Variants in POLE observed in about 807,000 individuals in gnomAD.
POLE encodes DNA polymerase epsilon catalytic subunit A.
In POLE, 188 loss-of-function variants were observed where a neutral mutation model predicts 279.2. The ratio of observed to expected loss-of-function variants is 0.67; its 90% CI spans 0.60 to 0.76. The LOEUF is 0.76. Ranked by LOEUF, POLE falls within the 30% of genes least tolerant of loss-of-function variation. The probability of loss-of-function intolerance (pLI) is 0.00; values close to 1 mark genes in which losing one functional copy is unlikely to be tolerated. For synonymous variants in POLE, 1,214 were observed against 1,172.5 expected (o/e 1.04, Z -0.72); for missense variants, 2,703 against 3,016.7 (o/e 0.90, Z 2.44).
chr12:132,639,280 G>A lies in POLE; in HGVS notation c.5397C>T (p.Val1799=), dbSNP rs770069897. 1.9e-5 allele frequency: 31 copies of A among 1,613,878 alleles called. No individual in the cohort carries two copies. The highest frequency in any genetic ancestry group is 1.6e-4 in the Middle Eastern group (1 of 6,082). The change falls in exon 40 of 49, where the codon GTC becomes GTT. Residue 1799 remains valine (V), a synonymous_variant. Coordinates refer to ENST00000320574, the MANE Select transcript of POLE (RefSeq NM_006231.4). The surrounding 1 kb of genome is among the most constrained non-coding windows in gnomAD (Gnocchi z 4.7). Reference sequence around the variant, plus strand: ...GGGTGATCTCCTTCACCCAGCCCACGACCATGCTCTTCAGGATCCTGAAAG... The same window carrying A: ...GGGTGATCTCCTTCACCCAGCCCACAACCATGCTCTTCAGGATCCTGAAAG... The part of the protein sequence containing the change: ...SNTFRILKSM[V]VGWVKEITQY...
At position 132,672,153 on chromosome 12, in the gene POLE, G is replaced by A. The variant is rs890383218; in HGVS notation, c.1794+62C>T. On this transcript the variant is annotated intron_variant, in intron 16 of 48. Coordinates refer to ENST00000320574, the MANE Select transcript of POLE (RefSeq NM_006231.4). ...GTGCACAATAAACGTGCTGCTGAAA[G>A]ACGTGGTCTGTGAAGAAGGCGCCAA... 3 of 1,127,140 alleles carry A rather than the reference G, an allele frequency of 2.7e-6. No individual in the cohort carries two copies. The African/African-American group carries it at 4.6e-5, about 17-fold the overall frequency. 69.8% of individuals were successfully genotyped at this position (1,127,140 alleles called of 1,614,324 possible). A position where few individuals can be genotyped will look rare whatever the true frequency, so the allele number is the denominator to read the frequency against.
At chr12:132,683,419 A>G (rs2043208129) in intron 1 of POLE, among the ~76,000 whole-genome samples, 1 of 152,224 alleles carries the variant, frequency 6.6e-6, no homozygotes, top group Admixed American at 6.5e-5. Flanking sequence ...CACAATAAAT[A>G]TAACCAACCA....
In POLE at chr12:132,653,934, C is replaced by T. The variant is rs571085041; in HGVS notation, c.3582+3202G>A. Among the ~76,000 whole-genome samples the T allele has an allele frequency of 5.3e-5, 8 of 152,330 alleles. No individual in the cohort carries two copies. In the East Asian group the frequency reaches 1.5e-3, roughly 29 times the overall value. ...TATTGGAGATGATCTTACGAGCCTT[C>T]TCCTTTAATGATGAATTAGTGGATT... On this transcript the variant is annotated intron_variant, in intron 29 of 48. Transcript: ENST00000320574.
chr12:132,661,304 T>C lies in POLE; in HGVS notation c.2865-140A>G. The C allele has an allele frequency of 2.1e-6, 2 of 964,194 alleles. No homozygotes were observed. Among genetic ancestry groups the C allele is most frequent in the Non-Finnish European group, 3.1e-6 (2 of 647,784 alleles). The allele number at this position is 964,194 out of a possible 1,614,324, so 59.7% of individuals were successfully genotyped here. A position where few individuals can be genotyped will look rare whatever the true frequency, so the allele number is the denominator to read the frequency against. On this transcript the variant is annotated intron_variant, in intron 24 of 48. Coordinates refer to ENST00000320574, the MANE Select transcript of POLE (RefSeq NM_006231.4). This position sits in a 1 kb window ranked among gnomAD's most constrained non-coding sequence, Gnocchi z 4.1. ...ACGAGGCAGCAAACGTCTCTCTCCC[T>C]TAGGCCACTGCTTCTCTAAAAGGAA...
Position 132,664,669 on chromosome 12 carries a change from T to C in POLE, c.2469-207A>G, listed in dbSNP as rs575891392. Among the ~76,000 whole-genome samples the C allele has an allele frequency of 9.2e-5, 14 of 152,238 alleles. No individual in the cohort carries two copies. The East Asian group carries it at 1.5e-3, about 17-fold the overall frequency. On this transcript the variant is annotated intron_variant, in intron 21 of 48. Transcript: ENST00000320574. This position sits in a 1 kb window ranked among gnomAD's most constrained non-coding sequence, Gnocchi z 5.3. The stretch of plus-strand genomic sequence containing the variant: ...TCCCCACCTTGGTGCCCAGGAAGGA[T>C]CTGGAAGGGTGCAGTATGTGCCACT...
chr12:132,628,369 G>A (rs1238586951), intron 45 of POLE, among the ~76,000 whole-genome samples: 2 of 151,776 alleles, frequency 1.3e-5, no homozygotes, highest in Non-Finnish European at 2.9e-5. Context: ...TGGGCTGGGC[G>A]TGGTGGCTTG....
intron 41 of POLE, 116 bp from the exon 42 acceptor site, chr12:132,636,140 G>A: frequency 8.9e-7 from 1 of 1,129,516 alleles, no homozygotes. Context: ...GAATTTGAAA[G>A]TTCATTCAGA....
rs1245794040 is a variant in POLE at position 132,624,705 on chromosome 12, C to A, written c.6853G>T (p.Gly2285Cys). Residue 2285 changes from glycine (G) to cysteine (C), a missense_variant, in exon 49 of 49, where the codon GGC (glycine) becomes TGC (cysteine). This residue lies in a region of POLE where 1,551 missense variants were observed against 1,686.1 expected (regional missense o/e 0.92). Transcript: ENST00000320574. ...EWLLQKNPQLGH is the reference protein window; with the variant it reads ...EWLLQKNPQLCH ...CCGGGGCCCGGGGCTGGCTAATGGC[C>A]CAGCTGTGGGTTCTTCTGCAGCAGC... 8.7e-6 allele frequency: 14 copies of A among 1,607,024 alleles called. No individual in the cohort carries two copies. Among genetic ancestry groups the A allele is most frequent in the Non-Finnish European group, 1.2e-5 (14 of 1,173,960 alleles).
At chr12:132,637,991 T>G (rs1316265685) in intron 41 of POLE, 23 bp downstream of exon 41, 3 of 1,612,890 alleles carry the variant, frequency 1.9e-6, no homozygotes, top group Non-Finnish European at 1.7e-6. Flanking sequence ...CAGTGCTGCG[T>G]CACCAGGACC....
In POLE at chr12:132,664,942, T is replaced by A. The variant is rs902515254; in HGVS notation, c.2468+360A>T. The stretch of plus-strand genomic sequence containing the variant: ...CCCTTGTCAGTTGCTTCTCTGCCCC[T>A]CCCGGACACGCAGACATGCTGTGAA... On this transcript the variant is annotated intron_variant, in intron 21 of 48. Coordinates refer to ENST00000320574, the MANE Select transcript of POLE (RefSeq NM_006231.4). This position sits in a 1 kb window ranked among gnomAD's most constrained non-coding sequence, Gnocchi z 5.3. Among the ~76,000 whole-genome samples, 37 of 116,136 alleles carry A rather than the reference T, an allele frequency of 3.2e-4. No homozygotes were observed. The highest frequency in any genetic ancestry group is 1.6e-3 in the Admixed American group (15 of 9,454). The allele number at this position is 116,136 out of a possible 152,430, so 76.2% of individuals were successfully genotyped here. A position where few individuals can be genotyped will look rare whatever the true frequency, so the allele number is the denominator to read the frequency against.
intron 25 of POLE, 38 bp downstream of exon 25, chr12:132,660,931 T>G: frequency 6.7e-7 from 1 of 1,486,178 alleles, no homozygotes; most frequent in Non-Finnish European, 9.1e-7. Flanking sequence ...TCATCCTTCA[T>G]CCCTCAGAGC....
intron 1 of POLE, among the ~76,000 whole-genome samples, chr12:132,681,708 A>G (rs1479998507): frequency 2.6e-5 from 4 of 152,238 alleles, no homozygotes; most frequent in African/African-American, 9.6e-5. Context: ...AAAAGGACTC[A>G]TTGGAAAAAC....
chr12:132,644,481 C>A (rs2042230710), intron 32 of POLE, among the ~76,000 whole-genome samples: 1 of 152,094 alleles, frequency 6.6e-6, no homozygotes, highest in Non-Finnish European at 1.5e-5. Flanking sequence ...AAGCAACCTG[C>A]AGCCTCTGAG....
At chr12:132,625,597 C>T (rs1377127270) in intron 47 of POLE, 48 bp downstream of exon 47, 1 of 1,604,318 alleles carries the variant, frequency 6.2e-7, no homozygotes, top group Non-Finnish European at 8.5e-7. Flanking sequence ...GCACAGAAAC[C>T]CCCCTGTGGA....
rs775866351 is a variant in POLE, at chr12:132,668,594, C to G, written c.2026+41G>C. On this transcript the variant is annotated intron_variant, in intron 18 of 48. Transcript: ENST00000320574. This position sits in a 1 kb window ranked among gnomAD's most constrained non-coding sequence, Gnocchi z 4.0. ...AGAAAGGCGGCCGACACTCACCCAC[C>G]CGTTTCCCACCGAGTGCCCACCCAG... 1 of 1,591,948 alleles carries G rather than the reference C, an allele frequency of 6.3e-7. No homozygotes were observed. The highest frequency in any genetic ancestry group is 1.3e-5 in the African/African-American group (1 of 74,540).
chr12:132,659,221 C>A (rs2042622192), intron 26 of POLE, 74 bp downstream of exon 26: 1 of 1,473,510 alleles, frequency 6.8e-7, no homozygotes. Flanking sequence ...CCTCACCTCT[C>A]CGTGACGGAG....
Position 132,624,459 on chromosome 12 carries a change from C to G in POLE, c.*238G>C. 2 of 581,148 alleles carry G rather than the reference C, an allele frequency of 3.4e-6. No individual in the cohort carries two copies. Among genetic ancestry groups the G allele is most frequent in the Non-Finnish European group, 6.2e-6 (2 of 325,152 alleles). The allele number at this position is 581,148 out of a possible 1,614,324, so 36.0% of individuals were successfully genotyped here. ...CCCAGGGCACTCGCAGCCTCGCTCA[C>G]GGCCTGCTTCTTCAGGTGCTCTGGC... On this transcript the variant is annotated 3_prime_UTR_variant, in exon 49 of 49. Coordinates refer to ENST00000320574, the MANE Select transcript of POLE (RefSeq NM_006231.4).
At position 132,665,185 on chromosome 12, in the gene POLE, A is replaced by C. The variant is rs5744825; in HGVS notation, c.2468+117T>G. Reference sequence around the variant, plus strand: ...CCCAGCCCAAAGCCTTCTCCCTCCAACATTCCTTGAATCAGATGAACGGCC... The same window carrying C: ...CCCAGCCCAAAGCCTTCTCCCTCCACCATTCCTTGAATCAGATGAACGGCC... On this transcript the variant is annotated intron_variant, in intron 21 of 48. Transcript: ENST00000320574. 5.9e-4 allele frequency: 669 copies of C among 1,133,438 alleles called. 3 individuals are homozygous for C. The highest frequency in any genetic ancestry group is 3.4e-3 in the South Asian group (233 of 69,446). 70.2% of individuals were successfully genotyped at this position (1,133,438 alleles called of 1,614,324 possible). A position where few individuals can be genotyped will look rare whatever the true frequency, so the allele number is the denominator to read the frequency against.
At chr12:132,685,771 T>C (rs567935453) in intron 1 of POLE, among the ~76,000 whole-genome samples, 12 of 152,344 alleles carry the variant, frequency 7.9e-5, no homozygotes, top group African/African-American at 2.4e-4. Flanking sequence ...CAGACAGCGA[T>C]GAGCACAACA....
Sources: allele counts gnomAD v4.1 joint callset (sites outside exome capture counted in the v4.1 genomes callset), GRCh38; gene constraint gnomAD v4.1.1; regional missense constraint gnomAD v4.1.1; non-coding constraint Gnocchi (gnomAD v3.1); transcripts MANE v1.5; gene names NCBI Gene and HGNC (gene_info 2026-07-23, HGNC 2026-07-21).